The following HSF1 variants were observed in gnomAD, a reference collection of about 807,000 sequenced individuals.
The protein encoded by HSF1 is heat shock factor protein 1.
A neutral mutation model predicts 51.7 loss-of-function variants in HSF1; 32 were observed. The observed-to-expected ratio is 0.62, with a 90% CI of 0.47 to 0.83. The LOEUF (loss-of-function observed/expected upper bound fraction) is 0.83. Ranked by LOEUF, HSF1 falls within the 40% of genes least tolerant of loss-of-function variation. The probability of loss-of-function intolerance (pLI) is 0.00; values close to 1 mark genes in which losing one functional copy is unlikely to be tolerated. For missense variants in HSF1, 727 were observed against 717.0 expected (o/e 1.01, Z -0.16); for synonymous variants, 396 against 309.7 (o/e 1.28, Z -2.92).
intron 9 of HSF1, among the ~76,000 whole-genome samples, 180 bp downstream of exon 9, chr8:144,312,424 AC>A (rs1816744034): frequency 6.6e-6 from 1 of 152,050 alleles, no homozygotes; most frequent in Non-Finnish European, 1.5e-5. Context: ...ACAGTCCCAA[AC>A]GCCACAGAAG....
In HSF1 at chr8:144,309,588, C is replaced by T; in HGVS notation, c.360C>T (p.Thr120=). The T allele has an allele frequency of 6.2e-7, 1 of 1,613,860 alleles. No homozygotes were observed. The highest frequency in any genetic ancestry group is 8.5e-7 in the Non-Finnish European group (1 of 1,179,984). The change falls in exon 3 of 13, where the codon ACC becomes ACT. Residue 120 remains threonine (T), a synonymous_variant. Transcript: ENST00000528838. ...TTGAGAACATCAAGAGGAAAGTGAC[C>T]AGTGTGAGTGCCGGCCCTGCACCCT... is the stretch of plus-strand genomic sequence containing the variant. The part of the protein sequence containing the change: ...QLLENIKRKV[T]SVSTLKSEDI...
rs782733731 is a variant in HSF1 at position 144,313,920 on chromosome 8, G to A, written c.1314+9G>A. ...ACAGCAGCCTGGCCAGTGTGCGTAGGCGGGCGGGGGGTGAGGGGGAACGAG... is the reference window on the plus strand; with the variant it reads ...ACAGCAGCCTGGCCAGTGTGCGTAGACGGGCGGGGGGTGAGGGGGAACGAG... On this transcript the variant is annotated intron_variant, in intron 11 of 12. Transcript: ENST00000528838. 1.9e-6 allele frequency: 3 copies of A among 1,609,896 alleles called. No individual in the cohort carries two copies. The highest frequency in any genetic ancestry group is 1.7e-4 in the Middle Eastern group (1 of 6,056).
intron 1 of HSF1, among the ~76,000 whole-genome samples, chr8:144,293,200 CT>C (rs1815220429): frequency 6.6e-6 from 1 of 152,220 alleles, no homozygotes; most frequent in Non-Finnish European, 1.5e-5. Context: ...TGAGGCTCTG[CT>C]TTACCTACAG....
At chr8:144,308,112 G>C (rs1340323172) in intron 1 of HSF1, among the ~76,000 whole-genome samples, 1 of 152,182 alleles carries the variant, frequency 6.6e-6, no homozygotes, top group African/African-American at 2.4e-5. Context: ...GGAGAAACCT[G>C]CCCCACTGCC....
In HSF1 at chr8:144,312,026, C is replaced by G. The variant is rs782805068; in HGVS notation, c.924C>G (p.Pro308=). ...AGCCCCCCAGCCCGCCTCAGAGCCC[C>G]CGGGTAGAGGAGGCGAGTCCCGGGC... The part of the protein sequence containing the change: ...KEEPPSPPQS[P]RVEEASPGRP... Residue 308 remains proline, a synonymous_variant, in exon 9 of 13, where the codon CCC becomes CCG. Transcript: ENST00000528838. 1 of 1,608,894 alleles carries G rather than the reference C, an allele frequency of 6.2e-7. No homozygotes were observed. Among genetic ancestry groups the G allele is most frequent in the South Asian group, 1.1e-5 (1 of 90,794 alleles).
chr8:144,307,308 C>T (rs2130404740), intron 1 of HSF1, among the ~76,000 whole-genome samples: 1 of 152,354 alleles, frequency 6.6e-6, no homozygotes, highest in African/African-American at 2.4e-5. Flanking sequence ...CAGATGCTGA[C>T]AGTCCTCTGG....
intron 1 of HSF1, among the ~76,000 whole-genome samples, chr8:144,308,302 G>A (rs563043215): frequency 2.0e-4 from 30 of 152,326 alleles, no homozygotes; most frequent in African/African-American, 7.0e-4. Flanking sequence ...CCTCACCAGC[G>A]CCTCCTGATA....
At chr8:144,312,542 C>A in intron 9 of HSF1, 1 of 1,209,880 alleles carries the variant, frequency 8.3e-7, no homozygotes, top group Non-Finnish European at 1.2e-6. Flanking sequence ...GCTGCCCAGA[C>A]ACATGGCAGG....
At chr8:144,300,511 T>G (rs1350013762) in intron 1 of HSF1, among the ~76,000 whole-genome samples, 1 of 152,184 alleles carries the variant, frequency 6.6e-6, no homozygotes, top group Non-Finnish European at 1.5e-5. Context: ...GCGCCCGGCC[T>G]GTTGTGTACT....
rs1554845808 is a variant in HSF1, at chr8:144,313,859, C to T, written c.1262C>T (p.Ser421Leu). 1 of 1,603,712 alleles carries T rather than the reference C, an allele frequency of 6.2e-7. No individual in the cohort carries two copies. Among genetic ancestry groups the T allele is most frequent in the Non-Finnish European group, 8.5e-7 (1 of 1,177,746 alleles). ...CCTCCTCCGCAGCTGTTCAGCCCCT[C>T]GGTGACCGTGCCCGACATGAGCCTG... ...TSALLDLFSP[S>L]VTVPDMSLPD... Residue 421 changes from serine to leucine, a missense_variant, in exon 11 of 13, where the codon TCG becomes TTG. Ser to Leu is a moderately radical substitution (Grantham distance 145). This residue lies in a region of HSF1 where 470 missense variants were observed against 398.8 expected (regional missense o/e 1.18). Coordinates refer to ENST00000528838, the MANE Select transcript of HSF1 (RefSeq NM_005526.4).
In HSF1 at chr8:144,311,159, C is replaced by T. The variant is rs782306776; in HGVS notation, c.489-15C>T. The T allele has an allele frequency of 6.3e-7, 1 of 1,588,182 alleles. No individual in the cohort carries two copies. Among genetic ancestry groups the T allele is most frequent in the Non-Finnish European group, 8.6e-7 (1 of 1,167,744 alleles). ...ATGGGATTGGGCCCCACTGACCCAG[C>T]CTGGTCTGTTGCAGTGAGAATGAGG... On this transcript the variant is annotated splice_polypyrimidine_tract_variant and intron_variant, in intron 4 of 12. Coordinates refer to ENST00000528838, the MANE Select transcript of HSF1 (RefSeq NM_005526.4).
chr8:144,301,128 T>C (rs1359704136), intron 1 of HSF1, among the ~76,000 whole-genome samples: 1 of 152,178 alleles, frequency 6.6e-6, no homozygotes, highest in Non-Finnish European at 1.5e-5. Context: ...TACAGAAATA[T>C]GACCAAAAGG....
Position 144,309,547 on chromosome 8 carries a change from G to A in HSF1, c.319G>A (p.Gly107Ser). The change falls in exon 3 of 13, where the codon GGC becomes AGC. Residue 107 changes from glycine to serine, a missense_variant. Around this residue, in one of 2 missense-constraint regions of HSF1, gnomAD observed 257 missense variants for 318.3 expected, o/e 0.81. Transcript: ENST00000528838. Reference protein sequence around the residue: ...TEFQHPCFLRGQEQLLENIKR... With the variant: ...TEFQHPCFLRSQEQLLENIKR... The stretch of plus-strand genomic sequence containing the variant: ...GTTCCAGCACCCATGCTTCCTGCGT[G>A]GCCAGGAGCAGCTCCTTGAGAACAT... 6.2e-7 allele frequency: 1 copy of A among 1,614,050 alleles called. No individual in the cohort carries two copies. Among genetic ancestry groups the A allele is most frequent in the Non-Finnish European group, 8.5e-7 (1 of 1,180,000 alleles).
intron 1 of HSF1, among the ~76,000 whole-genome samples, chr8:144,295,244 A>G (rs1588623365): frequency 6.6e-6 from 1 of 152,378 alleles, no homozygotes; most frequent in African/African-American, 2.4e-5. Flanking sequence ...ATGGAGAACC[A>G]AACAAAAGCA....
At chr8:144,302,677 C>G (rs1554842610) in intron 1 of HSF1, among the ~76,000 whole-genome samples, 2 of 151,416 alleles carry the variant, frequency 1.3e-5, no homozygotes, top group African/African-American at 4.9e-5. Context: ...AAAAAATGAG[C>G]CTGATGTGGT....
chr8:144,314,191 G>A lies in HSF1; in HGVS notation c.1451G>A (p.Gly484Glu). ...CTGGACCCCGGCTCCGTGGACACCG[G>A]GAGCAACGACCTGCCGGTGCTGTTT... ...FLLDPGSVDT[G>E]SNDLPVLFEL... The change falls in exon 13 of 13, where the codon GGG becomes GAG. Residue 484 changes from glycine (G) to glutamate (E), a missense_variant. Gly to Glu is a moderately conservative substitution (Grantham distance 98). Transcript: ENST00000528838. 6.5e-7 allele frequency: 1 copy of A among 1,549,786 alleles called. No homozygotes were observed. Among genetic ancestry groups the A allele is most frequent in the Middle Eastern group, 1.7e-4 (1 of 5,954 alleles).
At chr8:144,305,715 T>C (rs1319127039) in intron 1 of HSF1, among the ~76,000 whole-genome samples, 1 of 146,290 alleles carries the variant, frequency 6.8e-6, no homozygotes, top group Non-Finnish European at 1.5e-5. Flanking sequence ...CTTAAGCCCC[T>C]CTGGTTAATT....
chr8:144,313,718 T>G lies in HSF1; in HGVS notation c.1248+102T>G, dbSNP rs1364450418. On this transcript the variant is annotated intron_variant, in intron 10 of 12. Coordinates refer to ENST00000528838, the MANE Select transcript of HSF1 (RefSeq NM_005526.4). ...CGCCTCCCCGCGCCGCCGCCCCGCC[T>G]CCCCGCCCCGCCTCCCCGCGCCTCC... The G allele has an allele frequency of 1.8e-3, 23 of 13,084 alleles. 1 individual carries two copies. Among genetic ancestry groups the G allele is most frequent in the African/African-American group, 3.8e-3 (9 of 2,348 alleles). The allele number at this position is 13,084 out of a possible 1,614,324, so 0.8% of individuals were successfully genotyped here.
At chr8:144,309,745 T>A (rs1469163567) in intron 3 of HSF1, 27 bp from the exon 4 acceptor site, 1 of 1,609,812 alleles carries the variant, frequency 6.2e-7, no homozygotes, top group Non-Finnish European at 8.5e-7. Flanking sequence ...GCTGCTCCAG[T>A]GACTCCTGTC....
Sources: gnomAD v4.1 joint callset for allele counts (sites outside exome capture counted in the v4.1 genomes callset) on GRCh38, gnomAD v4.1.1 for gene constraint, gnomAD v4.1.1 regional missense constraint, MANE v1.5 for transcripts, NCBI Gene and HGNC (gene_info 2026-07-23, HGNC 2026-07-21) for gene names.